KIF4A: variants seen among roughly 807,000 people sequenced by gnomAD.
The protein encoded by KIF4A is chromosome-associated kinesin KIF4A.
A neutral mutation model predicts 105.9 loss-of-function variants in KIF4A; 7 were observed. That is an observed-to-expected ratio of 0.07 (90% CI 0.04 to 0.12). KIF4A has a LOEUF of 0.12. Among genes scored for constraint, KIF4A ranks in the 10% least tolerant of loss-of-function variants. KIF4A has a pLI of 1.00. For synonymous variants in KIF4A, 281 were observed against 331.3 expected, an observed-to-expected ratio of 0.85 and a Z score of 1.65; for missense variants, 558 against 929.2, an observed-to-expected ratio of 0.60 and a Z score of 5.19.
At chrX:70,359,433 T>C (rs1051422021) in intron 15 of KIF4A, among the ~76,000 whole-genome samples, 10 of 108,644 alleles carry the variant, frequency 9.2e-5, no homozygotes, top group Non-Finnish European at 1.9e-4. Context: ...CTTTCTTTCT[T>C]TCTTTCTCTC....
Position 70,389,576 on chromosome X carries a change from T to A in KIF4A, c.2232+2279T>A, listed in dbSNP as rs182806485. Among the ~76,000 whole-genome samples the A allele has an allele frequency of 6.2e-5, 7 of 112,626 alleles. No homozygotes were observed. In the East Asian group the frequency reaches 1.9e-3, roughly 31 times the overall value. ...AGCGAGGCTTCGTCTCAAAAAAATATATATATTTGTCAAACCCATGGTCGC... is the reference window on the plus strand; with the variant it reads ...AGCGAGGCTTCGTCTCAAAAAAATAAATATATTTGTCAAACCCATGGTCGC... On this transcript the variant is annotated intron_variant, in intron 20 of 30. Coordinates refer to ENST00000374403, the MANE Select transcript of KIF4A (RefSeq NM_012310.5).
chrX:70,333,330 A>AAAAAG (rs1246509649), intron 9 of KIF4A, among the ~76,000 whole-genome samples: 3 of 110,160 alleles, frequency 2.7e-5, no homozygotes, highest in East Asian at 2.8e-4. Flanking sequence ...CAAAAAAAAA[A>AAAAAG]AAAAGAAAAG....
At position 70,403,877 on chromosome X, in the gene KIF4A, A is replaced by G. The variant is rs751167975; in HGVS notation, c.2633A>G (p.Lys878Arg). The change falls in exon 24 of 31, where the codon AAA becomes AGA. Residue 878 changes from lysine to arginine, a missense_variant. Transcript: ENST00000374403. ...TATTCCTTCCAGCTGGTCTCCTCCA[A>G]AATACAGGTCAGCAAACTTGAAAGC... ...KYLIGELVSSKIQVSKLESSL... is the reference protein window; with the variant it reads ...KYLIGELVSSRIQVSKLESSL... 8.3e-7 allele frequency: 1 copy of G among 1,208,591 alleles called. No homozygotes were observed. Among genetic ancestry groups the G allele is most frequent in the South Asian group, 1.8e-5 (1 of 56,275 alleles).
chrX:70,344,101 G>T, intron 13 of KIF4A, 119 bp downstream of exon 13: 1 of 510,684 alleles, frequency 2.0e-6, no homozygotes. Flanking sequence ...AGCCGCTTTT[G>T]GACAGAGGTC....
rs1338793563 is a variant in KIF4A at position 70,348,785 on chromosome X, C to T, written c.1432-3815C>T. 2.7e-5 allele frequency among the ~76,000 whole-genome samples: 3 copies of T among 111,936 alleles called. No individual in the cohort carries two copies. The East Asian group carries it at 8.4e-4, about 31-fold the overall frequency. On this transcript the variant is annotated intron_variant, in intron 13 of 30. Transcript: ENST00000374403. Reference sequence around the variant, plus strand: ...CAGACACAGTAACAATCTGATCTCTCTTTCTTTTCCCCACATTTCCCCCTC... The same window carrying T: ...CAGACACAGTAACAATCTGATCTCTTTTTCTTTTCCCCACATTTCCCCCTC...
chrX:70,368,953 C>T (rs1488557486), intron 15 of KIF4A, among the ~76,000 whole-genome samples: 1 of 111,949 alleles, frequency 8.9e-6, no homozygotes, highest in Non-Finnish European at 1.9e-5. Flanking sequence ...CAATGGTGGG[C>T]GCCCCTCCCA....
In KIF4A at chrX:70,347,907, G is replaced by A. The variant is rs1198739528; in HGVS notation, c.1431+3925G>A. Among the ~76,000 whole-genome samples, 4 of 81,360 alleles carry A rather than the reference G, an allele frequency of 4.9e-5. No homozygotes were observed. In the East Asian group the frequency reaches 1.4e-3, roughly 28 times the overall value. The allele number at this position is 81,360 out of a possible 115,157, so 70.7% of individuals were successfully genotyped here. A position where few individuals can be genotyped will look rare whatever the true frequency, so the allele number is the denominator to read the frequency against. Reference sequence around the variant, plus strand: ...GGAGAATGGCGTGAACCCGGGAGGCGGAGCTTGCAGTGAGCCGAGATCGCG... The same window carrying A: ...GGAGAATGGCGTGAACCCGGGAGGCAGAGCTTGCAGTGAGCCGAGATCGCG... On this transcript the variant is annotated intron_variant, in intron 13 of 30. Coordinates refer to ENST00000374403, the MANE Select transcript of KIF4A (RefSeq NM_012310.5).
chrX:70,317,188 T>G (rs1178356500), intron 7 of KIF4A, among the ~76,000 whole-genome samples: 1 of 111,792 alleles, frequency 8.9e-6, no homozygotes, highest in Non-Finnish European at 1.9e-5. Context: ...GTACAGGTAT[T>G]TTGGTGAATA....
chrX:70,354,944 T>A (rs1170263424), intron 15 of KIF4A, among the ~76,000 whole-genome samples: 1 of 112,053 alleles, frequency 8.9e-6, no homozygotes, highest in African/African-American at 3.2e-5. Context: ...GTCTACAAGG[T>A]CTTCCTGGGG....
chrX:70,328,327 C>T (rs1318529283), intron 7 of KIF4A, among the ~76,000 whole-genome samples: 3 of 110,777 alleles, frequency 2.7e-5, no homozygotes, highest in Non-Finnish European at 3.8e-5. Context: ...AAGGGATAAA[C>T]GGTGTGTCCC....
chrX:70,319,239 G>A lies in KIF4A; in HGVS notation c.779-10166G>A, dbSNP rs1211805740. Among the ~76,000 whole-genome samples, 17 of 111,483 alleles carry A rather than the reference G, an allele frequency of 1.5e-4. No individual in the cohort carries two copies. The Admixed American group carries it at 1.6e-3, about 11-fold the overall frequency. The stretch of plus-strand genomic sequence containing the variant: ...GATTGCACCACTGCATTCCAGCCTG[G>A]GCAACAGGGCGGGACTCCGTCTCAA... On this transcript the variant is annotated intron_variant, in intron 7 of 30. Transcript: ENST00000374403.
In KIF4A at chrX:70,343,982, G is replaced by A. The variant is rs747559627; in HGVS notation, c.1431G>A (p.Ser477=). ...CNLQQLITQL[S]DETVACMAAA... is the part of the protein sequence containing the mutation. ...TGCAGCAATTGATTACCCAGTTATC[G>A]GTAAGCCAAGTAGGGGCAGTGTAAA... Residue 477 remains serine, a splice_region_variant and synonymous_variant, in exon 13 of 31, where the codon TCG becomes TCA. Transcript: ENST00000374403. The A allele has an allele frequency of 1.1e-5, 13 of 1,166,224 alleles. No individual in the cohort carries two copies. In the African/African-American group the frequency reaches 1.2e-4, roughly 11 times the overall value.
chrX:70,337,724 A>T (rs775379201), intron 10 of KIF4A, among the ~76,000 whole-genome samples: 19 of 111,943 alleles, frequency 1.7e-4, no homozygotes, highest in African/African-American at 6.2e-4. Flanking sequence ...CAACAAAAAA[A>T]CTATGGATGT....
At chrX:70,376,578 G>T (rs764762406) in intron 18 of KIF4A, among the ~76,000 whole-genome samples, 1 of 111,653 alleles carries the variant, frequency 9.0e-6, no homozygotes, top group East Asian at 2.8e-4. Context: ...AAAGATGATG[G>T]TTGAATAGGC....
intron 10 of KIF4A, among the ~76,000 whole-genome samples, chrX:70,334,735 A>G (rs2085944181): frequency 8.9e-6 from 1 of 112,088 alleles, no homozygotes; most frequent in Non-Finnish European, 1.9e-5. Flanking sequence ...TATTTTAGGT[A>G]TGTGAAACAT....
At chrX:70,308,600 T>G (rs2085836396) in intron 7 of KIF4A, among the ~76,000 whole-genome samples, 1 of 112,272 alleles carries the variant, frequency 8.9e-6, no homozygotes, top group African/African-American at 3.2e-5. Context: ...GTGATACAAC[T>G]TAGATTTTTT....
chrX:70,313,909 T>C (rs1332697075), intron 7 of KIF4A, among the ~76,000 whole-genome samples: 2 of 112,601 alleles, frequency 1.8e-5, no homozygotes. Flanking sequence ...GAATATATTC[T>C]CCAATAGAGT....
intron 11 of KIF4A, among the ~76,000 whole-genome samples, chrX:70,343,267 G>A (rs182118762): frequency 3.6e-5 from 4 of 111,909 alleles, no homozygotes; most frequent in Admixed American, 2.8e-4. Context: ...GAACAGCGTA[G>A]TGTAGGAGGC....
intron 20 of KIF4A, among the ~76,000 whole-genome samples, chrX:70,390,699 T>G (rs1195435362): frequency 9.0e-6 from 1 of 111,674 alleles, no homozygotes; most frequent in Non-Finnish European, 1.9e-5. Flanking sequence ...ACATGTACAG[T>G]TGTGTGACCA....
Sources: gnomAD v4.1 joint callset for allele counts (sites outside exome capture counted in the v4.1 genomes callset) on GRCh38, gnomAD v4.1.1 for gene constraint, MANE v1.5 for transcripts, NCBI Gene and HGNC (gene_info 2026-07-23, HGNC 2026-07-21) for gene names.